The following TMEM143 variants were observed in gnomAD, a reference collection of about 807,000 sequenced individuals.
TMEM143 encodes transmembrane protein 143.
Under a neutral mutation model 40.3 loss-of-function variants are expected in TMEM143, and 45 were observed. The observed-to-expected ratio is 1.12, with a 90% confidence interval of 0.88 to 1.43. The LOEUF (loss-of-function observed/expected upper bound fraction) is 1.43. TMEM143 is among the 40% of genes most tolerant of loss of function. TMEM143 has a pLI of 0.00. For synonymous variants in TMEM143, 299 were observed against 282.7 expected (o/e 1.06, Z -0.58); for missense variants, 620 against 613.4 (o/e 1.01, Z -0.11).
At position 48,342,828 on chromosome 19, in the gene TMEM143, G is replaced by A. The variant is rs762559442; in HGVS notation, c.696-19C>T. ...GTATCTCCTGAGGGACAGAGACAGA[G>A]GCAGGAGCAGGATCGGGACTGCACT... On this transcript the variant is annotated intron_variant, in intron 5 of 7. Coordinates refer to ENST00000293261, the MANE Select transcript of TMEM143 (RefSeq NM_018273.4). 5 of 1,581,956 alleles carry A rather than the reference G, an allele frequency of 3.2e-6. No individual in the cohort carries two copies. The East Asian group carries it at 1.1e-4, about 36-fold the overall frequency.
At chr19:48,360,739 C>T (rs1970022476) in intron 2 of TMEM143, among the ~76,000 whole-genome samples, 1 of 152,032 alleles carries the variant, frequency 6.6e-6, no homozygotes, top group South Asian at 2.1e-4. Flanking sequence ...CACACAATTC[C>T]AGGAACGGTT....
At chr19:48,343,479 C>T (rs746742962) in intron 4 of TMEM143, 28 bp from the exon 5 acceptor site, 41 of 1,553,950 alleles carry the variant, frequency 2.6e-5, no homozygotes, top group Non-Finnish European at 3.1e-5. Context: ...GAAGCAGTGG[C>T]GGGTGAACAT....
intron 5 of TMEM143, 149 bp downstream of exon 5, chr19:48,343,172 A>G: frequency 9.7e-7 from 1 of 1,033,326 alleles, no homozygotes; most frequent in Non-Finnish European, 1.4e-6. Context: ...CCTTGAGAAG[A>G]AAAGACAGCA....
At position 48,343,402 on chromosome 19, in the gene TMEM143, C is replaced by A; in HGVS notation, c.614G>T (p.Gly205Val). 1 of 1,596,126 alleles carries A rather than the reference C, an allele frequency of 6.3e-7. No individual in the cohort carries two copies. The highest frequency in any genetic ancestry group is 8.5e-7 in the Non-Finnish European group (1 of 1,171,244). Residue 205 changes from glycine (G) to valine (V), a missense_variant, in exon 5 of 8, where the codon GGC becomes GTC. Physicochemically the swap from Gly to Val is moderately radical, Grantham distance 109. Coordinates refer to ENST00000293261, the MANE Select transcript of TMEM143 (RefSeq NM_018273.4). ...QYVYIHFWALGQRVGQMPLKS... is the reference protein window; with the variant it reads ...QYVYIHFWALVQRVGQMPLKS... ...CAGGGGCATCTGCCCGACTCGCTGG[C>A]CCAGGGCCCAGAAGTGAATGTAGAC...
In TMEM143 at chr19:48,342,730, GC is replaced by G; in HGVS notation, c.774del (p.Leu259TrpfsTer11). The G allele has an allele frequency of 6.2e-7, 1 of 1,614,168 alleles. No individual in the cohort carries two copies. The highest frequency in any genetic ancestry group is 8.5e-7 in the Non-Finnish European group (1 of 1,180,006). On this transcript the variant is annotated frameshift_variant, in exon 6 of 8. Transcript: ENST00000293261. LOFTEE classifies it high-confidence loss of function. ...HLVLKSFKDT[P>X]LEGLEQLLPE... ...GGCAGCAGCTGCTCCAGGCCTTCCA[GC>G]GGCGTGTCCTTGAAACTCTTCAGTA...
chr19:48,347,177 C>T (rs1969653814), intron 3 of TMEM143, among the ~76,000 whole-genome samples: 1 of 152,128 alleles, frequency 6.6e-6, no homozygotes, highest in Admixed American at 6.6e-5. Context: ...TAACTTGTCC[C>T]AGACTCTACA....
intron 3 of TMEM143, 117 bp from the exon 4 acceptor site, chr19:48,345,471 T>TTTA (rs1969603755): frequency 1.1e-5 from 7 of 634,002 alleles, no homozygotes; most frequent in African/African-American, 4.0e-5. Context: ...TATTTATTTA[T>TTTA]TTTATTGAGA....
chr19:48,353,726 T>C (rs1436080648), intron 3 of TMEM143, among the ~76,000 whole-genome samples: 1 of 151,396 alleles, frequency 6.6e-6, no homozygotes, highest in Non-Finnish European at 1.5e-5. Flanking sequence ...ACAGATGAGA[T>C]CATACTAAAT....
chr19:48,334,466 CTTTCTTTCTTTCTT>C (rs1969314948), intron 6 of TMEM143, among the ~76,000 whole-genome samples: 2 of 44,846 alleles, frequency 4.5e-5, no homozygotes, highest in African/African-American at 7.1e-5. Context: ...TTCTTTCTTT[CTTTCTTTCTTTCTT>C]TTTCTTTCTT....
chr19:48,345,307 TG>T lies in TMEM143; in HGVS notation c.416del (p.Pro139HisfsTer3). 1 of 1,599,948 alleles carries T rather than the reference TG, an allele frequency of 6.3e-7. No homozygotes were observed. Among genetic ancestry groups the T allele is most frequent in the Non-Finnish European group, 8.5e-7 (1 of 1,173,462 alleles). ...ACAGACGCTGGGGATCCGTTAGTGA[TG>T]GCTGATCGAGGGTCTCCCTGTCAGG... ...INPDRETLDQ[P>X]SLTDPQRLSN... On this transcript the variant is annotated frameshift_variant, in exon 4 of 8. Transcript: ENST00000293261. LOFTEE classifies it high-confidence loss of function.
At chr19:48,363,675 G>A (rs1970123355) in intron 1 of TMEM143, 144 bp from the exon 2 acceptor site, 1 of 1,399,386 alleles carries the variant, frequency 7.1e-7, no homozygotes, top group Non-Finnish European at 9.6e-7. Context: ...CCTGTTGCCT[G>A]TCCCCTTCCC....
intron 1 of TMEM143, 122 bp from the exon 2 acceptor site, chr19:48,363,653 C>A: frequency 6.9e-7 from 1 of 1,444,992 alleles, no homozygotes; most frequent in Non-Finnish European, 9.2e-7. Flanking sequence ...CCCATCCGCT[C>A]GCCTCAAAGC....
chr19:48,341,349 G>A (rs553352990), intron 6 of TMEM143, among the ~76,000 whole-genome samples: 67 of 152,290 alleles, frequency 4.4e-4, no homozygotes, highest in Non-Finnish European at 1.0e-4. Flanking sequence ...AGGCAGCCCG[G>A]CACTCACATG....
chr19:48,345,139 T>C, intron 4 of TMEM143, 21 bp downstream of exon 4: 2 of 1,610,090 alleles, frequency 1.2e-6, no homozygotes, highest in Non-Finnish European at 1.7e-6. Context: ...GGGAGTTTTG[T>C]TCTCCTAGGG....
chr19:48,363,285 C>T lies in TMEM143; in HGVS notation c.264+6G>A, dbSNP rs762604042. The T allele has an allele frequency of 7.4e-6, 12 of 1,611,826 alleles. No homozygotes were observed. The highest frequency in any genetic ancestry group is 1.0e-5 in the Non-Finnish European group (12 of 1,178,918). ...CCCAGGCTCTTGGGCCTGGGACAGG[C>T]GGTACCTGTATTAGGAGGCGGAGCA... On this transcript the variant is annotated splice_donor_region_variant and intron_variant, in intron 2 of 7. Transcript: ENST00000293261.
At chr19:48,341,653 T>A (rs760153022) in intron 6 of TMEM143, among the ~76,000 whole-genome samples, 1 of 152,154 alleles carries the variant, frequency 6.6e-6, no homozygotes, top group Non-Finnish European at 1.5e-5. Flanking sequence ...AACACCTCTA[T>A]GAGTTAGGTC....
At chr19:48,356,195 G>A (rs915181303) in intron 3 of TMEM143, among the ~76,000 whole-genome samples, 11 of 150,384 alleles carry the variant, frequency 7.3e-5, no homozygotes, top group Non-Finnish European at 1.5e-4. Flanking sequence ...TCAGCTCACT[G>A]CAACCTCCGC....
chr19:48,356,109 T>C (rs570570361), intron 3 of TMEM143, among the ~76,000 whole-genome samples: 1 of 152,122 alleles, frequency 6.6e-6, no homozygotes, highest in African/African-American at 2.4e-5. Flanking sequence ...CATGTGCCTT[T>C]TTCCTTTTTT....
chr19:48,353,907 C>T (rs899895510), intron 3 of TMEM143, among the ~76,000 whole-genome samples: 2 of 151,722 alleles, frequency 1.3e-5, no homozygotes, highest in African/African-American at 4.9e-5. Context: ...AGGAGAGACA[C>T]CATAGATGCT....
Sources: allele counts gnomAD v4.1 joint callset (sites outside exome capture counted in the v4.1 genomes callset), GRCh38; gene constraint gnomAD v4.1.1; transcripts MANE v1.5; gene names NCBI Gene and HGNC (gene_info 2026-07-23, HGNC 2026-07-21).